Variants in GLIS1 observed in about 807,000 individuals in gnomAD.
GLIS1 encodes the protein zinc finger protein GLIS1.
GLIS1 carries 24 observed loss-of-function variants against 63.8 expected under a neutral mutation model. The observed-to-expected ratio is 0.38, with a 90% CI of 0.27 to 0.53. GLIS1 has a LOEUF of 0.53. Ranked by LOEUF, GLIS1 falls within the 20% of genes least tolerant of loss-of-function variation. GLIS1 has a pLI of 0.85. For missense variants in GLIS1, 1,036 were observed against 1,074.1 expected (o/e 0.96, Z 0.50); for synonymous variants, 450 against 482.5 (o/e 0.93, Z 0.88).
At chr1:53,656,529 C>T (rs974893605) in intron 2 of GLIS1, among the ~76,000 whole-genome samples, 2 of 152,170 alleles carry the variant, frequency 1.3e-5, no homozygotes, top group Non-Finnish European at 2.9e-5. Context: ...CAAATTCAAA[C>T]CACAAGACAT....
At chr1:53,698,105 A>G (rs1180872624) in intron 2 of GLIS1, among the ~76,000 whole-genome samples, 1 of 134,202 alleles carries the variant, frequency 7.5e-6, no homozygotes, top group African/African-American at 2.7e-5. Context: ...CAGACCAGAC[A>G]GCAAACAAAC....
At chr1:53,517,549 G>A (rs1644364852) in intron 7 of GLIS1, among the ~76,000 whole-genome samples, 1 of 151,512 alleles carries the variant, frequency 6.6e-6, no homozygotes, top group Non-Finnish European at 1.5e-5. Context: ...TTCTTCCTCA[G>A]CCACGCTGAC....
intron 4 of GLIS1, among the ~76,000 whole-genome samples, chr1:53,566,016 G>C (rs1271834536): frequency 6.6e-6 from 1 of 152,144 alleles, no homozygotes; most frequent in Non-Finnish European, 1.5e-5. Context: ...TTTGACATTA[G>C]TAAAGTCTGT....
At chr1:53,630,293 A>G (rs1171506129) in intron 2 of GLIS1, among the ~76,000 whole-genome samples, 1 of 152,174 alleles carries the variant, frequency 6.6e-6, no homozygotes, top group African/African-American at 2.4e-5. Context: ...GCCATTATAA[A>G]TAATGCTGTG....
At chr1:53,661,331 TC>T (rs1463877573) in intron 2 of GLIS1, among the ~76,000 whole-genome samples, 8 of 152,010 alleles carry the variant, frequency 5.3e-5, no homozygotes, top group East Asian at 1.9e-4. Context: ...AAATAGCACA[TC>T]CAGGATAGAA....
intron 2 of GLIS1, among the ~76,000 whole-genome samples, chr1:53,685,228 AAGG>A (rs1006043444): frequency 2.6e-5 from 4 of 152,082 alleles, no homozygotes; most frequent in African/African-American, 9.7e-5. Context: ...GGCCACAGAG[AAGG>A]AGACTAGACA....
chr1:53,704,233 C>G (rs1646553340), intron 2 of GLIS1, among the ~76,000 whole-genome samples: 1 of 152,282 alleles, frequency 6.6e-6, no homozygotes, highest in Non-Finnish European at 1.5e-5. Context: ...CCGTGTCAAA[C>G]AGCACCTTGC....
At chr1:53,530,499 G>A (rs1644518792) in intron 4 of GLIS1, among the ~76,000 whole-genome samples, 1 of 152,188 alleles carries the variant, frequency 6.6e-6, no homozygotes, top group Non-Finnish European at 1.5e-5. Context: ...CATGGGGTTT[G>A]TCCGTCTGGA....
chr1:53,580,810 T>C (rs1645077413), intron 4 of GLIS1, among the ~76,000 whole-genome samples: 2 of 152,214 alleles, frequency 1.3e-5, no homozygotes, highest in Non-Finnish European at 2.9e-5. Context: ...GGAATCATTT[T>C]TCCTGCTGCA....
intron 2 of GLIS1, among the ~76,000 whole-genome samples, chr1:53,680,868 T>C (rs565199314): frequency 6.6e-6 from 1 of 152,346 alleles, no homozygotes; most frequent in South Asian, 2.1e-4. Context: ...TATCTGAAGA[T>C]GCAGAATTGA....
At chr1:53,542,773 G>A (rs1644657505) in intron 4 of GLIS1, among the ~76,000 whole-genome samples, 2 of 152,208 alleles carry the variant, frequency 1.3e-5, no homozygotes, top group Admixed American at 1.3e-4. Context: ...CACTAGATAG[G>A]TCTGTGGGAC....
intron 2 of GLIS1, among the ~76,000 whole-genome samples, chr1:53,623,198 T>C (rs998405427): frequency 2.0e-5 from 3 of 152,206 alleles, no homozygotes; most frequent in African/African-American, 7.2e-5. Flanking sequence ...CAGCAATATA[T>C]ATTAATAGAA....
At chr1:53,610,447 T>C (rs1027288639) in intron 2 of GLIS1, among the ~76,000 whole-genome samples, 9 of 152,244 alleles carry the variant, frequency 5.9e-5, no homozygotes, top group African/African-American at 2.2e-4. Flanking sequence ...CTGCTGGGTA[T>C]AGAATTCTAA....
At chr1:53,712,413 CA>C (rs1490010938) in intron 2 of GLIS1, among the ~76,000 whole-genome samples, 8 of 152,340 alleles carry the variant, frequency 5.3e-5, no homozygotes, top group Admixed American at 5.2e-4. Flanking sequence ...CACCATCTAG[CA>C]AAGGGCTTCC....
At chr1:53,530,186 T>C (rs1448354667) in intron 4 of GLIS1, among the ~76,000 whole-genome samples, 2 of 152,160 alleles carry the variant, frequency 1.3e-5, no homozygotes, top group Non-Finnish European at 2.9e-5. Flanking sequence ...GCGTGAGGGC[T>C]GGAGAAGAAA....
chr1:53,661,447 G>C (rs115876517), intron 2 of GLIS1, among the ~76,000 whole-genome samples: 1 of 152,134 alleles, frequency 6.6e-6, no homozygotes, highest in East Asian at 1.9e-4. Flanking sequence ...AAGCCTAATT[G>C]GTTTTTATTA....
At chr1:53,555,529 C>CA (rs993298541) in intron 4 of GLIS1, among the ~76,000 whole-genome samples, 2 of 151,668 alleles carry the variant, frequency 1.3e-5, no homozygotes, top group African/African-American at 4.8e-5. Flanking sequence ...GACTCTGTCT[C>CA]AAAAAAACAA....
intron 2 of GLIS1, among the ~76,000 whole-genome samples, chr1:53,698,831 G>C (rs1646493774): frequency 6.6e-6 from 1 of 152,170 alleles, no homozygotes; most frequent in Non-Finnish European, 1.5e-5. Flanking sequence ...CATTGACCTA[G>C]ATTATCTCAT....
At chr1:53,736,747 T>C (rs1646916087) in intron 2 of GLIS1, among the ~76,000 whole-genome samples, 1 of 152,244 alleles carries the variant, frequency 6.6e-6, no homozygotes, top group Non-Finnish European at 1.5e-5. Flanking sequence ...TATGTTTATT[T>C]CATTTTACTA....
Sources: allele counts gnomAD v4.1 joint callset (sites outside exome capture counted in the v4.1 genomes callset), GRCh38; gene constraint gnomAD v4.1.1; transcripts MANE v1.5; gene names NCBI Gene and HGNC (gene_info 2026-07-23, HGNC 2026-07-21).